Variants in QPCT observed in about 807,000 individuals in gnomAD.
The protein encoded by QPCT is glutaminyl-peptide cyclotransferase.
Under a neutral mutation model 43.4 loss-of-function variants are expected in QPCT, and 44 were observed. The ratio of observed to expected loss-of-function variants is 1.01; its 90% confidence interval spans 0.80 to 1.30. The LOEUF (loss-of-function observed/expected upper bound fraction) is 1.30, where lower values mean the gene tolerates loss of function less well. Ranked by LOEUF, QPCT falls within the 50% of genes most tolerant of loss-of-function variation. QPCT has a pLI of 0.00. For synonymous variants in QPCT, 168 were observed against 168.4 expected, an observed-to-expected ratio of 1.00 and a Z score of 0.02; for missense variants, 526 against 436.5, an observed-to-expected ratio of 1.21 and a Z score of -1.83.
chr2:37,349,418 TG>T (rs1374271780), intron 1 of QPCT, among the ~76,000 whole-genome samples: 1 of 152,178 alleles, frequency 6.6e-6, no homozygotes, highest in Non-Finnish European at 1.5e-5. Context: ...TAAAGATGCT[TG>T]GGGGAGGGGG....
chr2:37,357,418 T>C (rs1465853580), intron 2 of QPCT, among the ~76,000 whole-genome samples: 2 of 152,166 alleles, frequency 1.3e-5, no homozygotes, highest in Admixed American at 6.5e-5. Context: ...TATTAATGCT[T>C]TGTATCGTAT....
At chr2:37,348,194 G>A (rs1410124664) in intron 1 of QPCT, among the ~76,000 whole-genome samples, 1 of 152,044 alleles carries the variant, frequency 6.6e-6, no homozygotes, top group Admixed American at 6.6e-5. Flanking sequence ...AAGACAAAAT[G>A]TCATTTTGGA....
Position 37,359,897 on chromosome 2 carries a change from C to T in QPCT, c.546+39C>T, listed in dbSNP as rs3815555. The T allele has an allele frequency of 5.1e-6, 8 of 1,581,706 alleles. No homozygotes were observed. In the Admixed American group the frequency reaches 8.5e-5, roughly 17 times the overall value. On this transcript the variant is annotated intron_variant, in intron 3 of 6. Coordinates refer to ENST00000338415, the MANE Select transcript of QPCT (RefSeq NM_012413.4). ...GCTTATTGATTCCTAGGATAAAGTA[C>T]ATTAACAGTAACTCAGAGTGAATTC...
chr2:37,352,658 A>G lies in QPCT; in HGVS notation c.121-131A>G, dbSNP rs1393245991. 7.0e-6 allele frequency: 8 copies of G among 1,138,286 alleles called. No individual in the cohort carries two copies. The Admixed American group carries it at 1.3e-4, about 19-fold the overall frequency. The allele number at this position is 1,138,286 out of a possible 1,614,324, so 70.5% of individuals were successfully genotyped here. A position where few individuals can be genotyped will look rare whatever the true frequency, so the allele number is the denominator to read the frequency against. ...TAACAGCCCAATTTTAAAGTTGAGTAGTTTAATTTACCTCATTTGACATAA... is the reference window on the plus strand; with the variant it reads ...TAACAGCCCAATTTTAAAGTTGAGTGGTTTAATTTACCTCATTTGACATAA... On this transcript the variant is annotated intron_variant, in intron 1 of 6. Coordinates refer to ENST00000338415, the MANE Select transcript of QPCT (RefSeq NM_012413.4).
At chr2:37,359,478 C>T in intron 2 of QPCT, 102 bp from the exon 3 acceptor site, 1 of 1,095,628 alleles carries the variant, frequency 9.1e-7, no homozygotes, top group Non-Finnish European at 1.3e-6. Context: ...GTGTGTATTC[C>T]AATTTTAATT....
intron 4 of QPCT, chr2:37,368,529 C>G (rs1465279671): frequency 2.1e-6 from 1 of 466,770 alleles, no homozygotes; most frequent in Non-Finnish European, 4.5e-6. Context: ...ATTGCCCTAT[C>G]ACTGACCTTC....
At chr2:37,349,420 G>T (rs1672573655) in intron 1 of QPCT, among the ~76,000 whole-genome samples, 2 of 152,156 alleles carry the variant, frequency 1.3e-5, no homozygotes, top group South Asian at 4.1e-4. Context: ...AAGATGCTTG[G>T]GGGAGGGGGC....
intron 5 of QPCT, among the ~76,000 whole-genome samples, chr2:37,370,010 A>G (rs544276990): frequency 3.9e-5 from 6 of 151,960 alleles, no homozygotes; most frequent in Non-Finnish European, 7.4e-5. Flanking sequence ...GGGTTTCACT[A>G]AACAAATACA....
At position 37,344,796 on chromosome 2, in the gene QPCT, T is replaced by C. The variant is rs1309434090; in HGVS notation, c.65T>C (p.Leu22Pro). ...CACCTGCTGCTGCTGGTGGCCGCCC[T>C]GCCCTGGGCATCCAGGGGGGTCAGT... ...TLHLLLLVAA[L>P]PWASRGVSPS... is the part of the protein sequence containing the mutation. Residue 22 changes from leucine (L) to proline (P), a missense_variant, in exon 1 of 7, where the codon CTG becomes CCG. Coordinates refer to ENST00000338415, the MANE Select transcript of QPCT (RefSeq NM_012413.4). The C allele has an allele frequency of 1.9e-6, 3 of 1,609,466 alleles. No homozygotes were observed. The African/African-American group carries it at 4.0e-5, about 22-fold the overall frequency.
At chr2:37,344,934 C>G in intron 1 of QPCT, 83 bp downstream of exon 1, 1 of 1,453,950 alleles carries the variant, frequency 6.9e-7, no homozygotes, top group Non-Finnish European at 9.0e-7. Context: ...CCTACCTAGG[C>G]AGAGCGGGAG....
At position 37,344,742 on chromosome 2, in the gene QPCT, G is replaced by T; in HGVS notation, c.11G>T (p.Gly4Val). 1 of 1,603,862 alleles carries T rather than the reference G, an allele frequency of 6.2e-7. No individual in the cohort carries two copies. The highest frequency in any genetic ancestry group is 8.5e-7 in the Non-Finnish European group (1 of 1,176,606). Residue 4 changes from glycine to valine, a missense_variant, in exon 1 of 7, where the codon GGA (glycine) becomes GTA (valine). Gly to Val is a moderately radical substitution (Grantham distance 109). Coordinates refer to ENST00000338415, the MANE Select transcript of QPCT (RefSeq NM_012413.4). MAG[G>V]RHRRVVGTLH... Reference sequence around the variant, plus strand: ...GACAGACTCGGAGAGATGGCAGGCGGAAGACACCGGCGCGTCGTGGGCACC... The same window carrying T: ...GACAGACTCGGAGAGATGGCAGGCGTAAGACACCGGCGCGTCGTGGGCACC...
At chr2:37,346,096 A>G (rs1672484196) in intron 1 of QPCT, among the ~76,000 whole-genome samples, 2 of 152,206 alleles carry the variant, frequency 1.3e-5, no homozygotes, top group South Asian at 4.1e-4. Context: ...TTTGAAATAC[A>G]GGGCACGCTG....
chr2:37,351,444 T>C (rs1381453612), intron 1 of QPCT, among the ~76,000 whole-genome samples: 1 of 152,186 alleles, frequency 6.6e-6, no homozygotes, highest in African/African-American at 2.4e-5. Context: ...AAAATACAAA[T>C]TTGAATGTTA....
intron 1 of QPCT, among the ~76,000 whole-genome samples, chr2:37,347,889 A>G (rs936170526): frequency 6.6e-6 from 1 of 152,222 alleles, no homozygotes; most frequent in Non-Finnish European, 1.5e-5. Flanking sequence ...TCTGCCTTCT[A>G]TTGAAGTCTT....
intron 1 of QPCT, among the ~76,000 whole-genome samples, chr2:37,351,954 C>T (rs556697047): frequency 9.5e-4 from 143 of 150,706 alleles, no homozygotes; most frequent in African/African-American, 3.2e-3. Flanking sequence ...TGCTTGAGCC[C>T]GGGAGGTGGA....
At chr2:37,354,667 A>G (rs1339767678) in intron 2 of QPCT, among the ~76,000 whole-genome samples, 2 of 152,328 alleles carry the variant, frequency 1.3e-5, no homozygotes, top group East Asian at 3.9e-4. Flanking sequence ...AGAGTGAGGC[A>G]CATACCATTC....
intron 2 of QPCT, among the ~76,000 whole-genome samples, chr2:37,355,360 T>C (rs1210432056): frequency 6.6e-6 from 1 of 152,208 alleles, no homozygotes; most frequent in Admixed American, 6.5e-5. Flanking sequence ...GATCCTTTCA[T>C]GTAGAACTGA....
chr2:37,346,447 T>C (rs1344813818), intron 1 of QPCT, among the ~76,000 whole-genome samples: 2 of 152,188 alleles, frequency 1.3e-5, no homozygotes, highest in African/African-American at 4.8e-5. Flanking sequence ...ATCTTTGTGA[T>C]ACATCTAAAT....
rs775012430 is a variant in QPCT, at chr2:37,369,643, C to T, written c.724-42C>T. 5.7e-6 allele frequency: 8 copies of T among 1,414,466 alleles called. No individual in the cohort carries two copies. In the Admixed American group the frequency reaches 6.7e-5, roughly 12 times the overall value. 87.6% of individuals were successfully genotyped at this position (1,414,466 alleles called of 1,614,324 possible). A position where few individuals can be genotyped will look rare whatever the true frequency, so the allele number is the denominator to read the frequency against. On this transcript the variant is annotated intron_variant, in intron 4 of 6. Transcript: ENST00000338415. The stretch of plus-strand genomic sequence containing the variant: ...TTTCCCTGTTGATGAATATAAAACA[C>T]GTTTTGGTGATGGTGATTAAACATT...
Sources: allele counts gnomAD v4.1 joint callset (sites outside exome capture counted in the v4.1 genomes callset), GRCh38; gene constraint gnomAD v4.1.1; transcripts MANE v1.5; gene names NCBI Gene and HGNC (gene_info 2026-07-23, HGNC 2026-07-21).